Variants in CNTNAP2 observed in about 807,000 individuals in gnomAD.
CNTNAP2 encodes the protein contactin associated protein 2.
A neutral mutation model predicts 155.2 loss-of-function variants in CNTNAP2; 98 were observed. The ratio of observed to expected loss-of-function variants is 0.63; its 90% CI spans 0.54 to 0.75. The LOEUF is 0.75. Among genes scored for constraint, CNTNAP2 ranks in the 30% least tolerant of loss-of-function variants. CNTNAP2 has a pLI of 0.00. For synonymous variants in CNTNAP2, 651 were observed against 631.2 expected (o/e 1.03, Z -0.47); for missense variants, 1,727 against 1,688.1 (o/e 1.02, Z -0.40).
At chr7:147,065,979 G>A (rs1006901260) in intron 4 of CNTNAP2, among the ~76,000 whole-genome samples, 3 of 151,958 alleles carry the variant, frequency 2.0e-5, no homozygotes, top group Admixed American at 2.0e-4. Context: ...TCCAAACTCT[G>A]AAGTATAAAA....
At position 146,856,318 on chromosome 7, in the gene CNTNAP2, A is replaced by G. The variant is rs370127316; in HGVS notation, c.402+16414A>G. Among the ~76,000 whole-genome samples, 5 of 151,584 alleles carry G rather than the reference A, an allele frequency of 3.3e-5. No individual in the cohort carries two copies. The East Asian group carries it at 5.8e-4, about 18-fold the overall frequency. ...GATAGATACATACATACATACATAC[A>G]TACATACATACATACATACATACAT... is the stretch of plus-strand genomic sequence containing the variant. On this transcript the variant is annotated intron_variant, in intron 3 of 23. Transcript: ENST00000361727.
rs546218340 is a variant in CNTNAP2, at chr7:147,077,899, A to T, written c.551-30248A>T. Among the ~76,000 whole-genome samples the T allele has an allele frequency of 1.7e-4, 26 of 152,322 alleles. No individual in the cohort carries two copies. The South Asian group carries it at 5.0e-3, about 29-fold the overall frequency. On this transcript the variant is annotated intron_variant, in intron 4 of 23. Coordinates refer to ENST00000361727, the MANE Select transcript of CNTNAP2 (RefSeq NM_014141.6). ...AGGCTTCAAGATACACAGATTACAG[A>T]TAAAGAAATAGCTGTAGACAGAACA...
chr7:148,136,482 C>G (rs1804952852), intron 16 of CNTNAP2, among the ~76,000 whole-genome samples: 1 of 152,160 alleles, frequency 6.6e-6, no homozygotes, highest in Admixed American at 6.6e-5. Flanking sequence ...GCTTCTGAGG[C>G]CCTCTCTAGA....
intron 9 of CNTNAP2, among the ~76,000 whole-genome samples, chr7:147,371,033 G>A (rs1757183911): frequency 6.6e-6 from 1 of 152,036 alleles, no homozygotes; most frequent in Non-Finnish European, 1.5e-5. Flanking sequence ...ATAACTGACT[G>A]TCAATGAATG....
intron 14 of CNTNAP2, among the ~76,000 whole-genome samples, chr7:147,928,015 T>A (rs1489221965): frequency 6.6e-6 from 1 of 152,226 alleles, no homozygotes; most frequent in Non-Finnish European, 1.5e-5. Context: ...CATTGAATTA[T>A]GGGGCAGTTT....
rs948007078 is a variant in CNTNAP2 at position 147,241,271 on chromosome 7, TATATC to T, written c.1349-58868_1349-58864del. Among the ~76,000 whole-genome samples the T allele has an allele frequency of 1.2e-4, 19 of 152,304 alleles. 1 individual carries two copies. Among genetic ancestry groups the T allele is most frequent in the African/African-American group, 4.3e-4 (18 of 41,562 alleles). On this transcript the variant is annotated intron_variant, in intron 8 of 23. Transcript: ENST00000361727. ...TCTGGGTCATTCTCCCTGAGCTCTT[TATATC>T]AAAGCAATGGCATCTCTGGTCCTAG...
intron 1 of CNTNAP2, among the ~76,000 whole-genome samples, chr7:146,348,819 A>G (rs1034726517): frequency 6.7e-6 from 1 of 148,272 alleles, no homozygotes; most frequent in Non-Finnish European, 1.5e-5. Flanking sequence ...ATGATTATAT[A>G]TAATATATGT....
At chr7:148,245,005 T>G (rs1159588226) in intron 20 of CNTNAP2, among the ~76,000 whole-genome samples, 1 of 152,244 alleles carries the variant, frequency 6.6e-6, no homozygotes, top group Admixed American at 6.5e-5. Flanking sequence ...AATATGCATT[T>G]GTATTTTTTT....
At chr7:147,419,090 A>G (rs1487346123) in intron 10 of CNTNAP2, among the ~76,000 whole-genome samples, 2 of 152,264 alleles carry the variant, frequency 1.3e-5, no homozygotes, top group Non-Finnish European at 2.9e-5. Flanking sequence ...TTCAATGAGC[A>G]TTCAAAGGTT....
intron 3 of CNTNAP2, among the ~76,000 whole-genome samples, chr7:146,856,176 G>A (rs1342161419): frequency 2.0e-5 from 3 of 151,868 alleles, no homozygotes; most frequent in Non-Finnish European, 4.4e-5. Flanking sequence ...GTAATGCATT[G>A]CACACCTTTA....
intron 1 of CNTNAP2, 136 bp downstream of exon 1, chr7:146,117,109 C>A: frequency 1.4e-6 from 1 of 730,978 alleles, no homozygotes; most frequent in Non-Finnish European, 2.4e-6. Context: ...CACACACTTG[C>A]AGCCACTGCA....
chr7:147,160,143 G>A (rs1050428394), intron 8 of CNTNAP2, among the ~76,000 whole-genome samples: 4 of 152,020 alleles, frequency 2.6e-5, no homozygotes, highest in Non-Finnish European at 4.4e-5. Flanking sequence ...ATTGCAAAGC[G>A]AGATAGCTGT....
At chr7:146,923,192 A>G (rs757904082) in intron 3 of CNTNAP2, among the ~76,000 whole-genome samples, 2 of 152,176 alleles carry the variant, frequency 1.3e-5, no homozygotes, top group Non-Finnish European at 2.9e-5. Context: ...GTTGAGAATT[A>G]AAAGAGAGGA....
chr7:148,084,747 G>C (rs1013180545), intron 15 of CNTNAP2, among the ~76,000 whole-genome samples: 8 of 152,174 alleles, frequency 5.3e-5, no homozygotes, highest in African/African-American at 1.9e-4. Flanking sequence ...TCATGAGGAA[G>C]GGCTGGGAAG....
chr7:147,597,360 C>G (rs1800843492), intron 12 of CNTNAP2, among the ~76,000 whole-genome samples: 1 of 152,156 alleles, frequency 6.6e-6, no homozygotes, highest in African/African-American at 2.4e-5. Context: ...ACTTTTTGAT[C>G]TTTTAGGACC....
chr7:148,312,059 G>A (rs921364801), intron 21 of CNTNAP2, among the ~76,000 whole-genome samples: 10 of 152,174 alleles, frequency 6.6e-5, no homozygotes, highest in African/African-American at 2.4e-4. Context: ...GAAGTTATGA[G>A]AACTGTAGAC....
intron 13 of CNTNAP2, among the ~76,000 whole-genome samples, chr7:147,729,399 A>G (rs1796699451): frequency 8.1e-6 from 1 of 123,020 alleles, no homozygotes; most frequent in African/African-American, 3.4e-5. Flanking sequence ...CTCTAATAAG[A>G]AAACATGCAC....
intron 1 of CNTNAP2, among the ~76,000 whole-genome samples, chr7:146,410,608 G>A (rs1327259226): frequency 6.6e-6 from 1 of 152,108 alleles, no homozygotes; most frequent in Non-Finnish European, 1.5e-5. Context: ...TAGGTATTAA[G>A]CCTGGTAACA....
At chr7:147,076,181 G>T (rs1268009746) in intron 4 of CNTNAP2, among the ~76,000 whole-genome samples, 1 of 152,172 alleles carries the variant, frequency 6.6e-6, no homozygotes, top group African/African-American at 2.4e-5. Flanking sequence ...AGTATTTCTA[G>T]TTCTAGATCC....
Sources: gnomAD v4.1 joint callset for allele counts (sites outside exome capture counted in the v4.1 genomes callset) on GRCh38, gnomAD v4.1.1 for gene constraint, MANE v1.5 for transcripts, NCBI Gene and HGNC (gene_info 2026-07-23, HGNC 2026-07-21) for gene names.